The following ANTXR1 variants were observed in gnomAD, a reference collection of about 807,000 sequenced individuals.
ANTXR1 encodes ANTXR cell adhesion molecule 1, also known as anthrax toxin receptor 1.
A neutral mutation model predicts 78.1 loss-of-function variants in ANTXR1; 19 were observed. That is an observed-to-expected ratio of 0.24 (90% CI 0.17 to 0.36). ANTXR1 has a LOEUF of 0.36. ANTXR1 is among the 10% of genes least tolerant of loss of function. The pLI is 1.00. For synonymous variants in ANTXR1, 273 were observed against 260.5 expected (o/e 1.05, Z -0.46); for missense variants, 518 against 718.6 (o/e 0.72, Z 3.19).
rs759276178 is a variant in ANTXR1, at chr2:69,172,391, GAAGA to G, written c.1089+2113_1089+2116del. On this transcript the variant is annotated intron_variant, in intron 14 of 17. Coordinates refer to ENST00000303714, the MANE Select transcript of ANTXR1 (RefSeq NM_032208.3). ...GGAAAATAAAATAAAATAACAAGAA[GAAGA>G]AAGAAAGAAATCCCACAGAAACAGA... The G allele has an allele frequency of 1.2e-5, 20 of 1,611,368 alleles. No homozygotes were observed. In the African/African-American group the frequency reaches 1.9e-4, roughly 15 times the overall value.
chr2:69,233,340 A>T (rs936218012), intron 17 of ANTXR1, among the ~76,000 whole-genome samples: 1 of 151,966 alleles, frequency 6.6e-6, no homozygotes, highest in Non-Finnish European at 1.5e-5. Context: ...TCACCTGTGA[A>T]TTTGGGTGCA....
At chr2:69,124,762 T>A (rs1573908492) in intron 12 of ANTXR1, 119 bp downstream of exon 12, 2 of 1,015,284 alleles carry the variant, frequency 2.0e-6, no homozygotes, top group East Asian at 5.1e-5. Flanking sequence ...TCGTTCTGCT[T>A]GCTGAGCTTT....
chr2:69,207,663 T>C (rs1014062952), intron 17 of ANTXR1, among the ~76,000 whole-genome samples: 1 of 152,152 alleles, frequency 6.6e-6, no homozygotes, highest in African/African-American at 2.4e-5. Flanking sequence ...ACTAGGCAAC[T>C]TGGTAGTGAA....
chr2:69,113,443 A>G (rs1214621596), intron 10 of ANTXR1, among the ~76,000 whole-genome samples: 1 of 152,194 alleles, frequency 6.6e-6, no homozygotes, highest in Non-Finnish European at 1.5e-5. Flanking sequence ...TTCAACATCC[A>G]TTGAGAGAAG....
intron 16 of ANTXR1, among the ~76,000 whole-genome samples, chr2:69,190,078 C>G (rs745857276): frequency 1.3e-5 from 2 of 152,082 alleles, no homozygotes; most frequent in Non-Finnish European, 2.9e-5. Flanking sequence ...TGAAGGCCAC[C>G]ATGTCAGGTG....
intron 9 of ANTXR1, among the ~76,000 whole-genome samples, chr2:69,094,128 T>C (rs1217001557): frequency 6.6e-6 from 1 of 152,232 alleles, no homozygotes; most frequent in Non-Finnish European, 1.5e-5. Flanking sequence ...CATTTCATTG[T>C]CCGGATGCCT....
At chr2:69,178,345 T>C (rs1386461354) in intron 14 of ANTXR1, among the ~76,000 whole-genome samples, 2 of 152,232 alleles carry the variant, frequency 1.3e-5, no homozygotes, top group Non-Finnish European at 2.9e-5. Flanking sequence ...TTGTGCTGCC[T>C]GGTGCTGTTG....
intron 10 of ANTXR1, among the ~76,000 whole-genome samples, chr2:69,113,659 G>A (rs1183406741): frequency 6.6e-6 from 1 of 152,198 alleles, no homozygotes; most frequent in Non-Finnish European, 1.5e-5. Context: ...GTGGCCATGA[G>A]TGTGTGGAAG....
intron 13 of ANTXR1, among the ~76,000 whole-genome samples, chr2:69,154,856 C>A (rs1673483097): frequency 6.6e-6 from 1 of 152,204 alleles, no homozygotes; most frequent in South Asian, 2.1e-4. Flanking sequence ...ACACATTAAC[C>A]CACAGTGGCT....
chr2:69,168,528 C>A (rs1673893413), intron 13 of ANTXR1, among the ~76,000 whole-genome samples: 2 of 152,176 alleles, frequency 1.3e-5, no homozygotes, highest in African/African-American at 4.8e-5. Context: ...AGGGGCCTTG[C>A]CACATATGCT....
At chr2:69,025,491 G>A (rs1275977404) in intron 1 of ANTXR1, among the ~76,000 whole-genome samples, 1 of 152,172 alleles carries the variant, frequency 6.6e-6, no homozygotes, top group Non-Finnish European at 1.5e-5. Flanking sequence ...AGACCTCCTG[G>A]AAGATGGCTT....
chr2:69,245,173 C>T (rs551897465), intron 17 of ANTXR1, 52 bp from the exon 18 acceptor site: 2 of 1,608,340 alleles, frequency 1.2e-6, no homozygotes, highest in East Asian at 2.2e-5. Flanking sequence ...GCACCACAGG[C>T]CCTGATGTGA....
intron 13 of ANTXR1, among the ~76,000 whole-genome samples, chr2:69,159,785 A>T (rs1673628561): frequency 6.6e-6 from 1 of 152,234 alleles, no homozygotes; most frequent in African/African-American, 2.4e-5. Flanking sequence ...AGAATTACGT[A>T]ACAGATCACT....
At chr2:69,100,896 G>C (rs565035442) in intron 9 of ANTXR1, among the ~76,000 whole-genome samples, 2 of 152,158 alleles carry the variant, frequency 1.3e-5, no homozygotes, top group Non-Finnish European at 2.9e-5. Context: ...CTTTCTAAAC[G>C]TAGCAATTGT....
At chr2:69,163,931 T>A (rs1673753772) in intron 13 of ANTXR1, among the ~76,000 whole-genome samples, 1 of 152,230 alleles carries the variant, frequency 6.6e-6, no homozygotes, top group Non-Finnish European at 1.5e-5. Context: ...TACATTACCT[T>A]CTCCTTTACC....
chr2:69,087,037 C>G (rs987764522), intron 8 of ANTXR1, among the ~76,000 whole-genome samples: 1 of 152,122 alleles, frequency 6.6e-6, no homozygotes, highest in East Asian at 1.9e-4. Flanking sequence ...TTTATTTAAC[C>G]ATCATACAGC....
At position 69,056,509 on chromosome 2, in the gene ANTXR1, G is replaced by A. The variant is rs74562609; in HGVS notation, c.296+11696G>A. The stretch of plus-strand genomic sequence containing the variant: ...TGAACACTCATTACCCACCAACCAC[G>A]CTTGTGGAATAAGAGGTTACAGGCA... On this transcript the variant is annotated intron_variant, in intron 3 of 17. Transcript: ENST00000303714. 0.015 allele frequency among the ~76,000 whole-genome samples: 2,341 copies of A among 152,006 alleles called. 89 individuals carry two copies. In the East Asian group the frequency reaches 0.16, roughly 10 times the overall value.
At chr2:69,029,750 T>A (rs969273411) in intron 1 of ANTXR1, among the ~76,000 whole-genome samples, 2 of 151,560 alleles carry the variant, frequency 1.3e-5, no homozygotes, top group African/African-American at 4.9e-5. Flanking sequence ...ACTGAAAAAA[T>A]TACCTAAAAA....
intron 12 of ANTXR1, among the ~76,000 whole-genome samples, chr2:69,125,512 CAG>C (rs1194367254): frequency 6.6e-6 from 1 of 152,114 alleles, no homozygotes; most frequent in Non-Finnish European, 1.5e-5. Context: ...CTCAGCCTGT[CAG>C]GGGGCAGTCA....
Sources: allele counts gnomAD v4.1 joint callset (sites outside exome capture counted in the v4.1 genomes callset), GRCh38; gene constraint gnomAD v4.1.1; transcripts MANE v1.5; gene names NCBI Gene and HGNC (gene_info 2026-07-23, HGNC 2026-07-21).